ZMAT5: variants seen among roughly 807,000 people sequenced by gnomAD.
ZMAT5 encodes zinc finger matrin-type protein 5.
Under a neutral mutation model 28.0 loss-of-function variants are expected in ZMAT5, and 23 were observed. That is an observed-to-expected ratio of 0.82 (90% CI 0.59 to 1.16). ZMAT5 has a LOEUF of 1.16. Ranked by LOEUF, ZMAT5 falls within the 50% of genes most tolerant of loss-of-function variation. The pLI is 0.00. For missense variants in ZMAT5, 173 were observed against 212.7 expected (o/e 0.81, Z 1.16); for synonymous variants, 76 against 84.1 (o/e 0.90, Z 0.52).
intron 5 of ZMAT5, among the ~76,000 whole-genome samples, chr22:29,737,451 C>T (rs1298457122): frequency 1.3e-5 from 2 of 152,270 alleles, no homozygotes; most frequent in Non-Finnish European, 2.9e-5. Flanking sequence ...TTCCCCCAGA[C>T]TATCTGGCCA....
At chr22:29,764,051 G>A (rs2068185043) in intron 1 of ZMAT5, among the ~76,000 whole-genome samples, 1 of 151,972 alleles carries the variant, frequency 6.6e-6, no homozygotes, top group Non-Finnish European at 1.5e-5. Context: ...GAGCCCAGGA[G>A]TTCCAGGCTG....
intron 2 of ZMAT5, among the ~76,000 whole-genome samples, chr22:29,743,848 A>G (rs1022650122): frequency 2.6e-5 from 4 of 152,222 alleles, no homozygotes; most frequent in Non-Finnish European, 5.9e-5. Context: ...CTGACTCAGG[A>G]ACCCTTATAT....
intron 5 of ZMAT5, among the ~76,000 whole-genome samples, chr22:29,733,978 T>C (rs71331211): frequency 0.074 from 11,326 of 152,242 alleles, 537 homozygotes; most frequent in South Asian, 0.13. Context: ...CTGTTTGTCC[T>C]GTGCGTGAGG....
intron 1 of ZMAT5, among the ~76,000 whole-genome samples, chr22:29,751,319 C>T (rs751402427): frequency 6.6e-5 from 10 of 152,144 alleles, no homozygotes; most frequent in Admixed American, 1.3e-4. Context: ...TAGGCCTCTA[C>T]GTTCACTGTG....
intron 5 of ZMAT5, among the ~76,000 whole-genome samples, chr22:29,732,075 GCC>G (rs530611249): frequency 6.6e-5 from 10 of 152,206 alleles, no homozygotes; most frequent in Non-Finnish European, 1.5e-4. Context: ...CATCCTCCGT[GCC>G]CAGCCCGGGG....
At chr22:29,733,888 G>A (rs986689542) in intron 5 of ZMAT5, among the ~76,000 whole-genome samples, 2 of 152,220 alleles carry the variant, frequency 1.3e-5, no homozygotes, top group Non-Finnish European at 1.5e-5. Flanking sequence ...CACTGCCAGG[G>A]CCCCAGACAC....
intron 1 of ZMAT5, among the ~76,000 whole-genome samples, chr22:29,752,818 C>T (rs1286072879): frequency 6.6e-6 from 1 of 152,236 alleles, no homozygotes; most frequent in Non-Finnish European, 1.5e-5. Flanking sequence ...GCTGGGATTA[C>T]AGTCGAGAGC....
chr22:29,748,701 G>GCGCCCCATACTCA (rs1311415511), intron 1 of ZMAT5, 130 bp from the exon 2 acceptor site: 1 of 1,228,802 alleles, frequency 8.1e-7, no homozygotes, highest in East Asian at 2.6e-5. Context: ...CATTAGGAGT[G>GCGCCCCATACTCA]TCAAGCTGAT....
chr22:29,735,828 T>C (rs2067898838), intron 5 of ZMAT5, among the ~76,000 whole-genome samples: 1 of 152,202 alleles, frequency 6.6e-6, no homozygotes, highest in African/African-American at 2.4e-5. Flanking sequence ...TCTGGTACCC[T>C]AGTCCCCCAA....
intron 3 of ZMAT5, among the ~76,000 whole-genome samples, chr22:29,742,159 C>T (rs1289756094): frequency 6.6e-6 from 1 of 152,196 alleles, no homozygotes; most frequent in Non-Finnish European, 1.5e-5. Context: ...CTTGGATTTA[C>T]ATGTAATCTC....
intron 5 of ZMAT5, among the ~76,000 whole-genome samples, chr22:29,737,601 C>T (rs934506540): frequency 4.6e-5 from 7 of 152,194 alleles, no homozygotes; most frequent in African/African-American, 7.2e-5. Flanking sequence ...GGCTCCTGGG[C>T]GCAGCTTTAT....
At chr22:29,732,190 C>T (rs5997509) in intron 5 of ZMAT5, among the ~76,000 whole-genome samples, 13,533 of 152,296 alleles carry the variant, frequency 0.089, 668 homozygotes, top group South Asian at 0.13. Flanking sequence ...TCTCCAGGGC[C>T]GCATGGCCCT....
chr22:29,765,607 C>T (rs1208228779), intron 1 of ZMAT5, among the ~76,000 whole-genome samples: 2 of 152,008 alleles, frequency 1.3e-5, no homozygotes, highest in Admixed American at 6.6e-5. Flanking sequence ...TGGTGGCTCA[C>T]GCCTGTAATC....
chr22:29,758,332 T>G (rs115768045), intron 1 of ZMAT5, among the ~76,000 whole-genome samples: 2,118 of 152,182 alleles, frequency 0.014, 46 homozygotes, highest in African/African-American at 0.048. Context: ...TTTGTTGCTT[T>G]AGGTTGGACG....
chr22:29,748,533 T>C lies in ZMAT5; in HGVS notation c.12A>G (p.Arg4=). The change falls in exon 2 of 6, where the codon CGA becomes CGG. Residue 4 remains arginine (R), a synonymous_variant. Transcript: ENST00000344318. MGK[R]YFCDYCDRSF... is the part of the protein sequence containing the mutation. ...AGCGGTCGCAGTAGTCACAGAAGTA[T>C]CGCTTCCCCATGGCCACTCAGAGCA... is the stretch of plus-strand genomic sequence containing the variant. 1 of 1,614,134 alleles carries C rather than the reference T, an allele frequency of 6.2e-7. No individual in the cohort carries two copies. The highest frequency in any genetic ancestry group is 8.5e-7 in the Non-Finnish European group (1 of 1,180,030).
Position 29,742,321 on chromosome 22 carries a change from T to C in ZMAT5, c.190+97A>G. The C allele has an allele frequency of 3.9e-6, 5 of 1,282,954 alleles. No individual in the cohort carries two copies. The South Asian group carries it at 5.0e-5, about 13-fold the overall frequency. The allele number at this position is 1,282,954 out of a possible 1,614,324, so 79.5% of individuals were successfully genotyped here. ...CTGCTGCAAAGTGGGCTTGGGATGG[T>C]GGCCCGGGTCGGGGAAGACACTCTG... On this transcript the variant is annotated intron_variant, in intron 3 of 5. Transcript: ENST00000344318.
intron 1 of ZMAT5, among the ~76,000 whole-genome samples, chr22:29,760,662 G>C (rs866945208): frequency 4.6e-5 from 7 of 152,184 alleles, no homozygotes; most frequent in Non-Finnish European, 1.0e-4. Context: ...GCAAAAGCCT[G>C]GAGGAATGAA....
intron 1 of ZMAT5, among the ~76,000 whole-genome samples, chr22:29,763,063 C>A (rs149737169): frequency 6.6e-6 from 1 of 151,774 alleles, no homozygotes; most frequent in South Asian, 2.1e-4. Flanking sequence ...GAGGCCGAGA[C>A]GGACAGATCA....
chr22:29,731,727 G>A, intron 5 of ZMAT5: 1 of 189,968 alleles, frequency 5.3e-6, no homozygotes, highest in South Asian at 1.3e-4. Flanking sequence ...TGTGTGATAG[G>A]GAGAAAAAGC....
Sources: allele counts gnomAD v4.1 joint callset (sites outside exome capture counted in the v4.1 genomes callset), GRCh38; gene constraint gnomAD v4.1.1; transcripts MANE v1.5; gene names NCBI Gene and HGNC (gene_info 2026-07-23, HGNC 2026-07-21).